Variants in AP4B1 observed in about 807,000 individuals in gnomAD.
AP4B1 encodes adaptor related protein complex 4 subunit beta 1, also known as AP-4 complex subunit beta-1.
AP4B1 carries 49 observed loss-of-function variants against 76.5 expected under a neutral mutation model. The observed-to-expected ratio is 0.64, with a 90% CI of 0.51 to 0.81. AP4B1 has a LOEUF of 0.81. Among genes scored for constraint, AP4B1 ranks in the 40% least tolerant of loss-of-function variants. The pLI is 0.00. For synonymous variants in AP4B1, 330 were observed against 333.3 expected (o/e 0.99, Z 0.11); for missense variants, 911 against 904.9 (o/e 1.01, Z -0.09).
intron 6 of AP4B1, among the ~76,000 whole-genome samples, chr1:113,898,258 C>A (rs970465815): frequency 2.6e-5 from 4 of 152,134 alleles, no homozygotes; most frequent in Admixed American, 2.0e-4. Context: ...ATAAATAGAA[C>A]CACCAGGCCT....
intron 5 of AP4B1, chr1:113,899,314 C>T: frequency 3.0e-6 from 3 of 1,016,664 alleles, no homozygotes; most frequent in Non-Finnish European, 3.5e-6. Context: ...TTGAGTCACT[C>T]CAGCCTTTCA....
At chr1:113,901,714 A>G (rs1231045190) in intron 3 of AP4B1, 41 bp downstream of exon 3, 2 of 1,613,090 alleles carry the variant, frequency 1.2e-6, no homozygotes, top group Non-Finnish European at 1.7e-6. Flanking sequence ...AGTTATACAT[A>G]ATGGAGGCAC....
intron 7 of AP4B1, 67 bp downstream of exon 7, chr1:113,897,773 C>A: frequency 6.5e-7 from 1 of 1,532,874 alleles, no homozygotes; most frequent in South Asian, 1.1e-5. Context: ...TAATTAGATT[C>A]CATTTCAAAG....
intron 4 of AP4B1, chr1:113,901,029 C>A: frequency 1.6e-6 from 1 of 627,608 alleles, no homozygotes; most frequent in Non-Finnish European, 2.7e-6. Flanking sequence ...ATTGCTTGAA[C>A]CCAGGAGGCG....
Position 113,900,067 on chromosome 1 carries a change from CT to C in AP4B1, c.950del (p.Lys317SerfsTer24). On this transcript the variant is annotated frameshift_variant, in exon 5 of 10. Transcript: ENST00000369569. LOFTEE classifies it high-confidence loss of function. ...GGGGCTCCGAGTAGGAGCAAAAAAA[CT>C]TTTTGTAGTGGCTGCTAAAGTGACC... ...LPGHFSSHYK[K>X]FFCSYSEPHY... 6.2e-7 allele frequency: 1 copy of C among 1,614,208 alleles called. No individual in the cohort carries two copies. The highest frequency in any genetic ancestry group is 8.5e-7 in the Non-Finnish European group (1 of 1,180,042).
At chr1:113,897,306 G>A (rs750079660) in intron 7 of AP4B1, 1 of 168,718 alleles carries the variant, frequency 5.9e-6, no homozygotes, top group African/African-American at 2.4e-5. Context: ...AACTGTTCAA[G>A]AGAAGCGGGG....
chr1:113,902,527 TGTTTTCCCCAGTATTAAGG>T, intron 2 of AP4B1, 92 bp downstream of exon 2: 1 of 1,088,806 alleles, frequency 9.2e-7, no homozygotes, highest in Admixed American at 1.9e-5. Context: ...GGTACAATAA[TGTTTTCCCCAGTATTAAGG>T]AGCTCAAATA....
Position 113,901,161 on chromosome 1 carries a change from C to T in AP4B1, c.617+75G>A, listed in dbSNP as rs181310318. The T allele has an allele frequency of 6.5e-5, 101 of 1,562,670 alleles. No homozygotes were observed. In the African/African-American group the frequency reaches 1.3e-3, roughly 19 times the overall value. The stretch of plus-strand genomic sequence containing the variant: ...TCTTTTCTACCCCACATAAGTTGTT[C>T]AATACTTTAATACATCAACAAGATC... On this transcript the variant is annotated intron_variant, in intron 4 of 9. Coordinates refer to ENST00000369569, the MANE Select transcript of AP4B1 (RefSeq NM_001253852.3).
chr1:113,901,129 T>G, intron 4 of AP4B1, 107 bp downstream of exon 4: 1 of 1,410,912 alleles, frequency 7.1e-7, no homozygotes, highest in Non-Finnish European at 9.9e-7. Context: ...ATAATAATGG[T>G]TAACTTTCTT....
chr1:113,902,562 T>A, intron 2 of AP4B1, 76 bp downstream of exon 2: 3 of 1,424,754 alleles, frequency 2.1e-6, no homozygotes. Flanking sequence ...AAATAAATTA[T>A]CCTCTTTAAA....
chr1:113,898,492 A>G (rs1423371371), intron 6 of AP4B1, among the ~76,000 whole-genome samples: 1 of 152,230 alleles, frequency 6.6e-6, no homozygotes, highest in African/African-American at 2.4e-5. Context: ...AGGTCATCCT[A>G]GTAGCCTTCA....
chr1:113,904,929 C>T (rs1571596715), upstream of AP4B1: 5 of 546,494 alleles, frequency 9.1e-6, no homozygotes, highest in East Asian at 1.6e-4. Flanking sequence ...ACCCTAGGCT[C>T]TTCAGGCCCT....
chr1:113,898,133 T>C (rs1188390661), intron 6 of AP4B1, 190 bp from the exon 7 acceptor site: 2 of 1,069,774 alleles, frequency 1.9e-6, no homozygotes, highest in African/African-American at 1.6e-5. Flanking sequence ...CATATTGCTC[T>C]TATCAGATTG....
At position 113,895,480 on chromosome 1, in the gene AP4B1, G is replaced by C. The variant is rs767599682; in HGVS notation, c.1805C>G (p.Pro602Arg). ...TTGTACCCTCTCCTTGTTCTCTTCA[G>C]GAATCAAGGGTCCTAAAAGAGACAG... ...SSFAASGPLI[P>R]EENKERVQEL... Residue 602 changes from proline (P) to arginine (R), a missense_variant, in exon 10 of 10, where the codon CCT becomes CGT. Coordinates refer to ENST00000369569, the MANE Select transcript of AP4B1 (RefSeq NM_001253852.3). 5 of 1,614,056 alleles carry C rather than the reference G, an allele frequency of 3.1e-6. No individual in the cohort carries two copies. In the East Asian group the frequency reaches 1.1e-4, roughly 36 times the overall value.
In AP4B1 at chr1:113,896,310, G is replaced by C; in HGVS notation, c.1458C>G (p.Ser486=). The change falls in exon 8 of 10, where the codon TCC becomes TCG. Residue 486 remains serine (S), a synonymous_variant. Transcript: ENST00000369569. ...LLTALLRLFL[S]RPAECQDMLG... Reference sequence around the variant, plus strand: ...GCATGTCCTGGCACTCAGCAGGTCGGGAGAGGAAAAGGCGCAGCAAAGCAG... The same window carrying C: ...GCATGTCCTGGCACTCAGCAGGTCGCGAGAGGAAAAGGCGCAGCAAAGCAG... 6.2e-7 allele frequency: 1 copy of C among 1,614,156 alleles called. No individual in the cohort carries two copies.
chr1:113,902,033 C>A, intron 2 of AP4B1, 148 bp from the exon 3 acceptor site: 9 of 1,022,686 alleles, frequency 8.8e-6, no homozygotes, highest in East Asian at 5.4e-5. Flanking sequence ...CTTAAAAAGC[C>A]ATAATTTGAC....
chr1:113,901,944 G>A, intron 2 of AP4B1, 59 bp from the exon 3 acceptor site: 1 of 1,608,096 alleles, frequency 6.2e-7, no homozygotes, highest in Non-Finnish European at 8.5e-7. Flanking sequence ...ACATACCTCA[G>A]CCCCTGTTCA....
At chr1:113,898,909 A>G in intron 5 of AP4B1, 108 bp from the exon 6 acceptor site, 2 of 1,029,584 alleles carry the variant, frequency 1.9e-6, no homozygotes, top group Non-Finnish European at 2.8e-6. Context: ...TATCTAAAAA[A>G]AAAAAAAAGA....
chr1:113,898,875 A>C (rs1354826815), intron 5 of AP4B1, 74 bp from the exon 6 acceptor site: 1 of 1,174,050 alleles, frequency 8.5e-7, no homozygotes, highest in Non-Finnish European at 1.2e-6. Context: ...ATCTCCCACC[A>C]GTGAAAGACA....
Sources: gnomAD v4.1 joint callset for allele counts (sites outside exome capture counted in the v4.1 genomes callset) on GRCh38, gnomAD v4.1.1 for gene constraint, MANE v1.5 for transcripts, NCBI Gene and HGNC (gene_info 2026-07-23, HGNC 2026-07-21) for gene names.